The following ATP11A variants were observed in gnomAD, a reference collection of about 807,000 sequenced individuals.
The protein encoded by ATP11A is phospholipid-transporting ATPase IH.
ATP11A carries 81 observed loss-of-function variants against 154.4 expected under a neutral mutation model. That is an observed-to-expected ratio of 0.52 (90% confidence interval 0.44 to 0.63). The LOEUF is 0.63. Among genes scored for constraint, ATP11A ranks in the 30% least tolerant of loss-of-function variants. ATP11A has a pLI of 0.00. For missense variants in ATP11A, 1,316 were observed against 1,474.3 expected, an observed-to-expected ratio of 0.89 and a Z score of 1.76; for synonymous variants, 623 against 585.9, an observed-to-expected ratio of 1.06 and a Z score of -0.91.
intron 8 of ATP11A, among the ~76,000 whole-genome samples, chr13:112,822,487 C>T (rs2078824132): frequency 6.6e-6 from 1 of 152,114 alleles, no homozygotes; most frequent in African/African-American, 2.4e-5. Flanking sequence ...AGGAGCTTTG[C>T]AGTGTGGCTA....
intron 4 of ATP11A, among the ~76,000 whole-genome samples, chr13:112,808,737 C>A (rs948654702): frequency 6.6e-6 from 1 of 152,144 alleles, no homozygotes; most frequent in Non-Finnish European, 1.5e-5. Flanking sequence ...TGGGCACTGA[C>A]GGGCATCTCA....
At chr13:112,725,313 A>G (rs73576465) in intron 1 of ATP11A, among the ~76,000 whole-genome samples, 1,992 of 151,944 alleles carry the variant, frequency 0.013, 40 homozygotes, top group African/African-American at 0.044. Flanking sequence ...CCAAAAGAAG[A>G]CCCCTGGGGA....
Position 112,816,594 on chromosome 13 carries a change from C to T in ATP11A, c.570+383C>T, listed in dbSNP as rs146878279. 4.5e-3 allele frequency among the ~76,000 whole-genome samples: 684 copies of T among 152,246 alleles called. 3 individuals are homozygous for T. Among genetic ancestry groups the T allele is most frequent in the African/African-American group, 0.015 (631 of 41,548 alleles). Reference sequence around the variant, plus strand: ...ATGCGGCAAAACCCTGAGCCCAGCACGCTCTTGTCCACTCAGTGCGGCAAA... The same window carrying T: ...ATGCGGCAAAACCCTGAGCCCAGCATGCTCTTGTCCACTCAGTGCGGCAAA... On this transcript the variant is annotated intron_variant, in intron 6 of 29. Coordinates refer to ENST00000375645, the MANE Select transcript of ATP11A (RefSeq NM_015205.3).
At chr13:112,836,991 G>A (rs923899729) in intron 16 of ATP11A, among the ~76,000 whole-genome samples, 5 of 152,158 alleles carry the variant, frequency 3.3e-5, no homozygotes, top group African/African-American at 7.2e-5. Context: ...GGACGACCTC[G>A]TCTCCCCCCA....
intron 1 of ATP11A, among the ~76,000 whole-genome samples, chr13:112,716,156 C>G (rs367939023): frequency 2.5e-4 from 38 of 152,274 alleles, no homozygotes; most frequent in African/African-American, 8.4e-4. Flanking sequence ...ATGCTGGGAG[C>G]CACAGCACCC....
rs781567039 is a variant in ATP11A, at chr13:112,831,466, C to T, written c.1313C>T (p.Pro438Leu). Residue 438 changes from proline (P) to leucine (L), a missense_variant, in exon 13 of 30, where the codon CCC becomes CTC. By Grantham distance (98) the Pro-to-Leu change is moderately conservative. This residue lies in a region of ATP11A where 876 missense variants were observed against 1,006.8 expected (regional missense o/e 0.87). Coordinates refer to ENST00000375645, the MANE Select transcript of ATP11A (RefSeq NM_015205.3). ...TGCATCGAAGGCCATGTCTACGTGC[C>T]CCACGTCATCTGCAACGGGCAGGTC... is the stretch of plus-strand genomic sequence containing the variant. ...ECCIEGHVYVPHVICNGQVLP... is the reference protein window; with the variant it reads ...ECCIEGHVYVLHVICNGQVLP... The T allele has an allele frequency of 6.2e-7, 1 of 1,614,148 alleles. No individual in the cohort carries two copies.
intron 4 of ATP11A, among the ~76,000 whole-genome samples, chr13:112,809,968 T>C (rs1398686810): frequency 6.6e-6 from 1 of 152,140 alleles, no homozygotes; most frequent in African/African-American, 2.4e-5. Context: ...TCAGGCTGCT[T>C]TTCCAGCCCC....
intron 25 of ATP11A, among the ~76,000 whole-genome samples, chr13:112,870,885 C>T (rs527374909): frequency 1.2e-3 from 181 of 152,336 alleles, no homozygotes; most frequent in African/African-American, 4.1e-3. Context: ...GGTAGAGAGG[C>T]GTGCTGTCCT....
intron 29 of ATP11A, among the ~76,000 whole-genome samples, chr13:112,878,742 C>T (rs182031602): frequency 1.1e-3 from 175 of 152,336 alleles, no homozygotes; most frequent in Non-Finnish European, 1.9e-3. Context: ...CTCCCTCACG[C>T]ACCCACTTCT....
intron 1 of ATP11A, among the ~76,000 whole-genome samples, chr13:112,722,469 A>G (rs768326335): frequency 7.9e-5 from 12 of 152,094 alleles, no homozygotes; most frequent in Non-Finnish European, 1.8e-4. Flanking sequence ...AGTTTCAGGG[A>G]GAATGAATAG....
At position 112,816,113 on chromosome 13, in the gene ATP11A, G is replaced by A. The variant is rs376507003; in HGVS notation, c.472G>A (p.Glu158Lys). ...GGACATTGTCATGGTTAAGGAGGACGAGACCTTTCCCTGCGACTTGATCTT... is the reference window on the plus strand; with the variant it reads ...GGACATTGTCATGGTTAAGGAGGACAAGACCTTTCCCTGCGACTTGATCTT... The part of the protein sequence containing the change: ...VGDIVMVKED[E>K]TFPCDLIFLS... The change falls in exon 6 of 30, where the codon GAG becomes AAG. Residue 158 changes from glutamate to lysine, a missense_variant. Glu to Lys is a moderately conservative substitution (Grantham distance 56). This residue lies in a region of ATP11A where 876 missense variants were observed against 1,006.8 expected (regional missense o/e 0.87). Transcript: ENST00000375645. 23 of 1,614,186 alleles carry A rather than the reference G, an allele frequency of 1.4e-5. No homozygotes were observed. Among genetic ancestry groups the A allele is most frequent in the Admixed American group, 3.3e-5 (2 of 60,024 alleles).
At chr13:112,760,573 T>A (rs1289266812) in intron 1 of ATP11A, among the ~76,000 whole-genome samples, 1 of 152,226 alleles carries the variant, frequency 6.6e-6, no homozygotes, top group Non-Finnish European at 1.5e-5. Context: ...CTTGCCTAAT[T>A]TTTTTCAGCT....
chr13:112,847,402 G>A lies in ATP11A; in HGVS notation c.1810-3635G>A, dbSNP rs114906847. Among the ~76,000 whole-genome samples the A allele has an allele frequency of 9.0e-3, 1,365 of 152,304 alleles. 18 individuals are homozygous for A. Among genetic ancestry groups the A allele is most frequent in the African/African-American group, 0.031 (1,288 of 41,556 alleles). On this transcript the variant is annotated intron_variant, in intron 17 of 29. Transcript: ENST00000375645. ...AGTTTTCTAGTTTTAGCTCTTAAAT[G>A]TAGGAGTGTAATCCATGTTTGGCTA...
At chr13:112,724,438 G>C (rs899677124) in intron 1 of ATP11A, among the ~76,000 whole-genome samples, 16 of 152,128 alleles carry the variant, frequency 1.1e-4, no homozygotes, top group Admixed American at 9.8e-4. Flanking sequence ...ATGATGGTGG[G>C]AGCAATGTGA....
chr13:112,735,095 C>T (rs1890863150), intron 1 of ATP11A, among the ~76,000 whole-genome samples: 1 of 152,128 alleles, frequency 6.6e-6, no homozygotes, highest in Admixed American at 6.5e-5. Context: ...TTTAGCTGTG[C>T]ATTTTCTGGC....
At chr13:112,874,449 G>T (rs1042340117) in intron 27 of ATP11A, among the ~76,000 whole-genome samples, 1 of 152,172 alleles carries the variant, frequency 6.6e-6, no homozygotes, top group Non-Finnish European at 1.5e-5. Flanking sequence ...ACATAGGCAG[G>T]GTGGTCAGTC....
intron 1 of ATP11A, among the ~76,000 whole-genome samples, chr13:112,726,465 G>C (rs967902811): frequency 6.6e-6 from 1 of 152,246 alleles, no homozygotes; most frequent in Non-Finnish European, 1.5e-5. Flanking sequence ...CTGGGGGACA[G>C]GCCTAAAGGC....
intron 6 of ATP11A, among the ~76,000 whole-genome samples, chr13:112,816,613 C>T (rs933579631): frequency 2.0e-5 from 3 of 152,060 alleles, no homozygotes; most frequent in Non-Finnish European, 4.4e-5. Context: ...CCACTCAGTG[C>T]GGCAAAAACT....
intron 1 of ATP11A, among the ~76,000 whole-genome samples, chr13:112,779,024 C>T (rs1163270611): frequency 8.2e-5 from 11 of 133,586 alleles, no homozygotes; most frequent in Non-Finnish European, 1.4e-4. Context: ...AGTGAGTAGC[C>T]GCTGGAGTGA....
Sources: allele counts gnomAD v4.1 joint callset (sites outside exome capture counted in the v4.1 genomes callset), GRCh38; gene constraint gnomAD v4.1.1; regional missense constraint gnomAD v4.1.1; transcripts MANE v1.5; gene names NCBI Gene and HGNC (gene_info 2026-07-23, HGNC 2026-07-21).